Variants in SESTD1 observed in about 807,000 individuals in gnomAD.
SESTD1 encodes the protein SEC14 and spectrin domain containing 1.
A neutral mutation model predicts 101.7 loss-of-function variants in SESTD1; 43 were observed. That is an observed-to-expected ratio of 0.42 (90% CI 0.33 to 0.55). The LOEUF (loss-of-function observed/expected upper bound fraction) is 0.55. Among genes scored for constraint, SESTD1 ranks in the 20% least tolerant of loss-of-function variants. The pLI is 0.07. For synonymous variants in SESTD1, 283 were observed against 286.8 expected, an observed-to-expected ratio of 0.99 and a Z score of 0.13; for missense variants, 647 against 815.1, an observed-to-expected ratio of 0.79 and a Z score of 2.51.
In SESTD1 at chr2:179,202,105, G is replaced by A. The variant is rs546533444; in HGVS notation, c.-25-10239C>T. ...TTATAAATGAAAGGGAATTATTTAGGATAGTCTTTCTAACATTGCCTCTCC... is the reference window on the plus strand; with the variant it reads ...TTATAAATGAAAGGGAATTATTTAGAATAGTCTTTCTAACATTGCCTCTCC... On this transcript the variant is annotated intron_variant, in intron 1 of 17. Transcript: ENST00000428443. 5.9e-4 allele frequency among the ~76,000 whole-genome samples: 79 copies of A among 133,088 alleles called. 17 individuals are homozygous for A. The highest frequency in any genetic ancestry group is 4.3e-3 in the Middle Eastern group (1 of 234). The allele number at this position is 133,088 out of a possible 152,430, so 87.3% of individuals were successfully genotyped here.
intron 17 of SESTD1, among the ~76,000 whole-genome samples, chr2:179,111,636 A>G (rs898520016): frequency 2.0e-5 from 3 of 152,242 alleles, no homozygotes; most frequent in Admixed American, 2.0e-4. Flanking sequence ...CTATCATTTG[A>G]ATTAAATATC....
chr2:179,131,922 G>A (rs11900546), intron 10 of SESTD1: 12,428 of 153,374 alleles, frequency 0.081, 1,704 homozygotes, highest in African/African-American at 0.28. Context: ...TCACTCTCAG[G>A]CATTTAATTG....
intron 16 of SESTD1, 48 bp from the exon 17 acceptor site, chr2:179,112,893 T>C: frequency 3.8e-6 from 6 of 1,566,384 alleles, no homozygotes; most frequent in Non-Finnish European, 5.2e-6. Context: ...CAGACAGGTC[T>C]GCAGTTTCAG....
intron 1 of SESTD1, among the ~76,000 whole-genome samples, chr2:179,200,450 G>A (rs2046489048): frequency 6.7e-6 from 1 of 149,252 alleles, no homozygotes; most frequent in Non-Finnish European, 1.5e-5. Context: ...CCAAAAAAGA[G>A]CCCGCATCAC....
rs1383743721 is a variant in SESTD1 at position 179,207,272 on chromosome 2, G to T, written c.-25-15406C>A. 2.2e-5 allele frequency among the ~76,000 whole-genome samples: 3 copies of T among 134,780 alleles called. 1 individual carries two copies. Among genetic ancestry groups the T allele is most frequent in the Non-Finnish European group, 3.2e-5 (2 of 62,690 alleles). 88.4% of individuals were successfully genotyped at this position (134,780 alleles called of 152,430 possible). ...TGAAAGTGCCACCTCCTGGCTGGAC[G>T]CCAACCAAGTCAAGCCATTACAGTA... On this transcript the variant is annotated intron_variant, in intron 1 of 17. Coordinates refer to ENST00000428443, the MANE Select transcript of SESTD1 (RefSeq NM_178123.5).
intron 8 of SESTD1, among the ~76,000 whole-genome samples, chr2:179,145,364 C>G (rs1397361854): frequency 6.6e-6 from 1 of 152,118 alleles, no homozygotes; most frequent in South Asian, 2.1e-4. Flanking sequence ...ATATAAGTTA[C>G]TTAACGTTTT....
intron 13 of SESTD1, 84 bp downstream of exon 13, chr2:179,121,686 G>A: frequency 8.4e-7 from 1 of 1,196,974 alleles, no homozygotes. Flanking sequence ...AGAACGTTTT[G>A]TCTGTATATA....
chr2:179,251,978 T>C (rs2047323973), intron 1 of SESTD1, among the ~76,000 whole-genome samples: 1 of 152,246 alleles, frequency 6.6e-6, no homozygotes, highest in Non-Finnish European at 1.5e-5. Flanking sequence ...ATGTAAATTA[T>C]AAAATTCTCT....
chr2:179,263,613 G>A lies in SESTD1; in HGVS notation c.-26+886C>T, dbSNP rs189533027. On this transcript the variant is annotated intron_variant, in intron 1 of 17. Transcript: ENST00000428443. ...CTGCTATCTAGTTACTCCCTCGGCA[G>A]CACTCCCAACTTCTCCCGCGATGTC... is the stretch of plus-strand genomic sequence containing the variant. Among the ~76,000 whole-genome samples the A allele has an allele frequency of 3.0e-3, 445 of 148,744 alleles. 5 individuals are homozygous for A. The highest frequency in any genetic ancestry group is 0.011 in the African/African-American group (428 of 39,582).
chr2:179,260,719 C>T (rs1183836079), intron 1 of SESTD1, among the ~76,000 whole-genome samples: 4 of 152,082 alleles, frequency 2.6e-5, no homozygotes, highest in Non-Finnish European at 4.4e-5. Context: ...TAAATGAAAA[C>T]ATAATATTAG....
At chr2:179,113,503 C>T (rs185587932) in intron 16 of SESTD1, among the ~76,000 whole-genome samples, 2 of 152,132 alleles carry the variant, frequency 1.3e-5, no homozygotes, top group African/African-American at 4.8e-5. Context: ...AATTAAACCA[C>T]AAGAACTGCA....
In SESTD1 at chr2:179,163,407, T is replaced by C. The variant is rs544008356; in HGVS notation, c.369+8713A>G. ...AACATTCTAATATTTATGCGTACCA[T>C]TAAATTTATGAAGAAAAACATTACT... On this transcript the variant is annotated intron_variant, in intron 5 of 17. Coordinates refer to ENST00000428443, the MANE Select transcript of SESTD1 (RefSeq NM_178123.5). Among the ~76,000 whole-genome samples, 5 of 152,226 alleles carry C rather than the reference T, an allele frequency of 3.3e-5. No homozygotes were observed. In the South Asian group the frequency reaches 1.0e-3, roughly 32 times the overall value.
intron 1 of SESTD1, among the ~76,000 whole-genome samples, chr2:179,197,227 A>C (rs2105503726): frequency 6.6e-6 from 1 of 152,310 alleles, no homozygotes; most frequent in South Asian, 2.1e-4. Flanking sequence ...AAATGAAATG[A>C]ATGAAATGAA....
chr2:179,229,777 TC>T (rs1553529864), intron 1 of SESTD1, among the ~76,000 whole-genome samples: 2 of 63,600 alleles, frequency 3.1e-5, no homozygotes, highest in African/African-American at 1.6e-4. Flanking sequence ...ATATATATAC[TC>T]AAATACACAC....
chr2:179,229,441 C>G (rs759425673), intron 1 of SESTD1, among the ~76,000 whole-genome samples: 2 of 152,068 alleles, frequency 1.3e-5, no homozygotes, highest in African/African-American at 2.4e-5. Flanking sequence ...CACCACAGGT[C>G]TTCCCAGGTC....
intron 1 of SESTD1, among the ~76,000 whole-genome samples, chr2:179,241,376 G>A (rs148928770): frequency 1.6e-4 from 25 of 152,156 alleles, no homozygotes; most frequent in African/African-American, 5.5e-4. Flanking sequence ...AGCGGAAAGA[G>A]GAGGGACACA....
chr2:179,170,461 T>C (rs561490117), intron 5 of SESTD1, among the ~76,000 whole-genome samples: 3 of 152,174 alleles, frequency 2.0e-5, no homozygotes, highest in Non-Finnish European at 4.4e-5. Context: ...ATAAGAAATA[T>C]GCATTTGCTC....
rs973370506 is a variant in SESTD1 at position 179,103,616 on chromosome 2, C to G, written c.*6283G>C. 6 of 151,964 alleles carry G rather than the reference C, an allele frequency of 3.9e-5. No homozygotes were observed. Among genetic ancestry groups the G allele is most frequent in the Non-Finnish European group, 5.9e-5 (4 of 67,970 alleles). The allele number at this position is 151,964 out of a possible 1,614,324, so 9.4% of individuals were successfully genotyped here. On this transcript the variant is annotated 3_prime_UTR_variant, in exon 18 of 18. Coordinates refer to ENST00000428443, the MANE Select transcript of SESTD1 (RefSeq NM_178123.5). The stretch of plus-strand genomic sequence containing the variant: ...AATACTACTCAGCAATAAAAAAGAA[C>G]AGCAATAAAAAAATGAAGCCTTGTA...
chr2:179,215,910 T>C lies in SESTD1; in HGVS notation c.-25-24044A>G, dbSNP rs1050793340. ...AAAACCACATGATTATATCAACAGA[T>C]GCAGAAAAGGCCTTCAATAAAATTC... is the stretch of plus-strand genomic sequence containing the variant. On this transcript the variant is annotated intron_variant, in intron 1 of 17. Transcript: ENST00000428443. Among the ~76,000 whole-genome samples, 3 of 135,258 alleles carry C rather than the reference T, an allele frequency of 2.2e-5. 1 individual carries two copies. Among genetic ancestry groups the C allele is most frequent in the Non-Finnish European group, 4.8e-5 (3 of 62,864 alleles). The allele number at this position is 135,258 out of a possible 152,430, so 88.7% of individuals were successfully genotyped here.
Sources: allele counts gnomAD v4.1 joint callset (sites outside exome capture counted in the v4.1 genomes callset), GRCh38; gene constraint gnomAD v4.1.1; transcripts MANE v1.5; gene names NCBI Gene and HGNC (gene_info 2026-07-23, HGNC 2026-07-21).